Variants in CUX1 observed in about 807,000 individuals in gnomAD.
CUX1 encodes the protein cut like homeobox 1.
CUX1 carries 31 observed loss-of-function variants against 158.8 expected under a neutral mutation model. The ratio of observed to expected loss-of-function variants is 0.20; its 90% confidence interval spans 0.15 to 0.26. The LOEUF (loss-of-function observed/expected upper bound fraction) is 0.26, where lower values mean the gene tolerates loss of function less well. Among genes scored for constraint, CUX1 ranks in the 10% least tolerant of loss-of-function variants. CUX1 has a pLI of 1.00. For missense variants in CUX1, 1,589 were observed against 2,014.6 expected, an observed-to-expected ratio of 0.79 and a Z score of 4.04; for synonymous variants, 879 against 862.1, an observed-to-expected ratio of 1.02 and a Z score of -0.34.
At chr7:102,195,128 A>AG (rs1794657013) in intron 13 of CUX1, among the ~76,000 whole-genome samples, 2 of 152,028 alleles carry the variant, frequency 1.3e-5, no homozygotes, top group Non-Finnish European at 2.9e-5. Flanking sequence ...AAAAAAAAAA[A>AG]AAAAGAAAAG....
At chr7:101,956,882 G>A (rs978888506) in intron 2 of CUX1, among the ~76,000 whole-genome samples, 3 of 152,342 alleles carry the variant, frequency 2.0e-5, no homozygotes, top group Admixed American at 1.3e-4. Context: ...CAGGGAGGTC[G>A]AGGTTGTGGT....
chr7:102,012,778 T>A (rs1175775524), intron 2 of CUX1, among the ~76,000 whole-genome samples: 1 of 152,048 alleles, frequency 6.6e-6, no homozygotes, highest in African/African-American at 2.4e-5. Flanking sequence ...AATCAATGAA[T>A]GAATGAAGCA....
intron 22 of CUX1, among the ~76,000 whole-genome samples, chr7:102,235,718 AG>A (rs1290846333): frequency 1.3e-5 from 2 of 150,746 alleles, no homozygotes; most frequent in African/African-American, 2.4e-5. Context: ...AAAAAAAAAA[AG>A]AATGGGCATC....
chr7:101,962,068 TA>T (rs1810567899), intron 2 of CUX1, among the ~76,000 whole-genome samples: 1 of 152,156 alleles, frequency 6.6e-6, no homozygotes, highest in South Asian at 2.1e-4. Context: ...CGTATTTCTT[TA>T]TGTTTTTCTG....
At chr7:101,924,381 G>A (rs1295164568) in intron 2 of CUX1, among the ~76,000 whole-genome samples, 6 of 151,914 alleles carry the variant, frequency 3.9e-5, no homozygotes, top group Non-Finnish European at 5.9e-5. Flanking sequence ...ATAAAGTTGC[G>A]ACTCCAGTGG....
At chr7:101,901,077 C>A (rs768514517) in intron 1 of CUX1, among the ~76,000 whole-genome samples, 2 of 152,012 alleles carry the variant, frequency 1.3e-5, no homozygotes, top group Non-Finnish European at 2.9e-5. Context: ...AAAATCGATG[C>A]TCAGGAAGTC....
chr7:101,817,124 C>CCGGGTG, upstream of CUX1: 3 of 984,526 alleles, frequency 3.0e-6, no homozygotes, highest in Non-Finnish European at 3.6e-6. The surrounding 1 kb of genome is among the most constrained non-coding windows in gnomAD (Gnocchi z 4.1). Flanking sequence ...TCCCGGACCG[C>CCGGGTG]CGGGTGCGGG....
intron 3 of CUX1, among the ~76,000 whole-genome samples, chr7:102,054,978 A>T (rs575060999): frequency 6.6e-6 from 1 of 152,222 alleles, no homozygotes; most frequent in East Asian, 1.9e-4. Flanking sequence ...CTCCAAAAAA[A>T]AAAAAGCCAG....
intron 1 of CUX1, among the ~76,000 whole-genome samples, chr7:101,848,108 G>GAA: frequency 8.1e-6 from 1 of 122,780 alleles, no homozygotes. Context: ...TATATTAAAA[G>GAA]AAAAATAATG....
At chr7:101,973,568 T>C (rs1297835836) in intron 2 of CUX1, among the ~76,000 whole-genome samples, 1 of 152,158 alleles carries the variant, frequency 6.6e-6, no homozygotes, top group African/African-American at 2.4e-5. Flanking sequence ...TCAATTAATT[T>C]GCGCCAAATG....
chr7:102,006,829 G>T (rs1448810764), intron 2 of CUX1, among the ~76,000 whole-genome samples: 1 of 152,262 alleles, frequency 6.6e-6, no homozygotes, highest in African/African-American at 2.4e-5. Context: ...CACTGCCAAG[G>T]GTGCAAGGGG....
chr7:102,255,218 A>G lies in CUX1; in HGVS notation c.*6176A>G. ...GCCTCCTCCTGCCCAGGCCTCTCCC[A>G]CCACCACCTTCCCTCCAAAGATAAC... is the stretch of plus-strand genomic sequence containing the variant. On this transcript the variant is annotated 3_prime_UTR_variant, in exon 24 of 24. Coordinates refer to ENST00000292535, the MANE Select transcript of CUX1 (RefSeq NM_181552.4). 1 of 985,288 alleles carries G rather than the reference A, an allele frequency of 1.0e-6. No individual in the cohort carries two copies. The highest frequency in any genetic ancestry group is 1.2e-6 in the Non-Finnish European group (1 of 829,916). 61.0% of individuals were successfully genotyped at this position (985,288 alleles called of 1,614,324 possible).
At chr7:102,127,662 A>G (rs1585807308) in intron 8 of CUX1, among the ~76,000 whole-genome samples, 1 of 152,058 alleles carries the variant, frequency 6.6e-6, no homozygotes, top group East Asian at 1.9e-4. Flanking sequence ...ACTGCATAAC[A>G]TTCCATCACG....
intron 6 of CUX1, among the ~76,000 whole-genome samples, chr7:102,105,206 C>CACAA (rs1830205576): frequency 6.6e-6 from 1 of 151,574 alleles, no homozygotes; most frequent in Admixed American, 6.6e-5. Flanking sequence ...CACACACACA[C>CACAA]ACACACACAG....
In CUX1 at chr7:101,817,948, A is replaced by G. The variant is rs1278239196; in HGVS notation, c.30+279A>G. ...AGCAAAGCTCGAGATGCAGGCTTGT[A>G]TCAAACGAAGCGGGTTGGATTAAAA... is the stretch of plus-strand genomic sequence containing the variant. On this transcript the variant is annotated intron_variant, in intron 1 of 23. Transcript: ENST00000292535. The surrounding 1 kb of genome is among the most constrained non-coding windows in gnomAD (Gnocchi z 4.1). Among the ~76,000 whole-genome samples the G allele has an allele frequency of 6.6e-6, 1 of 152,226 alleles. No homozygotes were observed. The highest frequency in any genetic ancestry group is 1.5e-5 in the Non-Finnish European group (1 of 68,038).
At chr7:102,045,440 G>GCGCCCCCT (rs1822643332) in intron 3 of CUX1, among the ~76,000 whole-genome samples, 1 of 152,236 alleles carries the variant, frequency 6.6e-6, no homozygotes, top group South Asian at 2.1e-4. Context: ...CTGCGCCCGC[G>GCGCCCCCT]CGCCCCCTCC....
chr7:102,193,984 C>A (rs1439577457), intron 13 of CUX1, 94 bp downstream of exon 13: 1 of 1,216,970 alleles, frequency 8.2e-7, no homozygotes, highest in Non-Finnish European at 1.2e-6. Context: ...ACTGTTTCTA[C>A]GAGACCTCTC....
At chr7:102,077,632 A>G (rs146148938) in intron 4 of CUX1, among the ~76,000 whole-genome samples, 20 of 151,906 alleles carry the variant, frequency 1.3e-4, no homozygotes, top group African/African-American at 3.9e-4. Context: ...TCTCTTTAAG[A>G]AAAAAATAAA....
chr7:101,889,974 AG>A, intron 1 of CUX1, among the ~76,000 whole-genome samples: 1 of 152,280 alleles, frequency 6.6e-6, no homozygotes, highest in East Asian at 1.9e-4. Flanking sequence ...ACGGGGTACC[AG>A]GGTCTTTGTA....
Sources: gnomAD v4.1 joint callset for allele counts (sites outside exome capture counted in the v4.1 genomes callset) on GRCh38, gnomAD v4.1.1 for gene constraint, Gnocchi (gnomAD v3.1) non-coding constraint, MANE v1.5 for transcripts, NCBI Gene and HGNC (gene_info 2026-07-23, HGNC 2026-07-21) for gene names.